The following ZFYVE9 variants were observed in gnomAD, a reference collection of about 807,000 sequenced individuals.
ZFYVE9 encodes the protein zinc finger FYVE-type containing 9.
A neutral mutation model predicts 126.7 loss-of-function variants in ZFYVE9; 43 were observed. The observed-to-expected ratio is 0.34, with a 90% CI of 0.27 to 0.44. The LOEUF (loss-of-function observed/expected upper bound fraction) is 0.44. Ranked by LOEUF, ZFYVE9 falls within the 20% of genes least tolerant of loss-of-function variation. The probability of loss-of-function intolerance (pLI) is 1.00; values close to 1 mark genes in which losing one functional copy is unlikely to be tolerated. For synonymous variants in ZFYVE9, 521 were observed against 597.4 expected (o/e 0.87, Z 1.87); for missense variants, 1,476 against 1,697.0 (o/e 0.87, Z 2.29).
intron 10 of ZFYVE9, among the ~76,000 whole-genome samples, chr1:52,284,012 G>C (rs757402791): frequency 1.3e-5 from 2 of 152,160 alleles, no homozygotes; most frequent in Non-Finnish European, 2.9e-5. Flanking sequence ...AGTAGGATTT[G>C]GTAACTAACT....
intron 13 of ZFYVE9, among the ~76,000 whole-genome samples, chr1:52,323,523 A>T (rs1041793335): frequency 1.3e-5 from 2 of 152,208 alleles, no homozygotes; most frequent in African/African-American, 4.8e-5. Context: ...CGTATTAGAT[A>T]CTCAATGCCC....
intron 13 of ZFYVE9, among the ~76,000 whole-genome samples, chr1:52,318,366 TTGTATGTGTGTGTGTG>T (rs1246392179): frequency 8.9e-4 from 75 of 84,004 alleles, no homozygotes; most frequent in African/African-American, 3.0e-3. Flanking sequence ...GAGAGCATGA[TTGTATGTGTGTGTGTG>T]TGTGTGTGTG....
chr1:52,185,379 T>C (rs1018778963), intron 1 of ZFYVE9, among the ~76,000 whole-genome samples: 1 of 152,190 alleles, frequency 6.6e-6, no homozygotes, highest in Non-Finnish European at 1.5e-5. Context: ...GAAAGACTTA[T>C]TCTGACAAAA....
intron 1 of ZFYVE9, among the ~76,000 whole-genome samples, chr1:52,208,558 A>G (rs868680029): frequency 1.3e-5 from 2 of 150,684 alleles, no homozygotes; most frequent in African/African-American, 4.9e-5. Context: ...CTGGAGTGCA[A>G]TGGCGTGATC....
chr1:52,195,680 G>C (rs1337323128), intron 1 of ZFYVE9, among the ~76,000 whole-genome samples: 1 of 151,708 alleles, frequency 6.6e-6, no homozygotes, highest in African/African-American at 2.4e-5. Flanking sequence ...TAGACACAGA[G>C]TGTTTTTTAT....
intron 2 of ZFYVE9, among the ~76,000 whole-genome samples, chr1:52,230,249 G>A (rs1011846460): frequency 3.9e-5 from 6 of 152,112 alleles, no homozygotes; most frequent in Non-Finnish European, 5.9e-5. Flanking sequence ...CCTGTTAACA[G>A]GCTCCCATCT....
intron 10 of ZFYVE9, among the ~76,000 whole-genome samples, chr1:52,285,562 A>G (rs1052744657): frequency 6.6e-6 from 1 of 152,130 alleles, no homozygotes; most frequent in African/African-American, 2.4e-5. Flanking sequence ...TGAGGGATCT[A>G]GGTTGTGTGC....
At chr1:52,250,612 T>C (rs1645434797) in intron 4 of ZFYVE9, among the ~76,000 whole-genome samples, 1 of 152,216 alleles carries the variant, frequency 6.6e-6, no homozygotes, top group Admixed American at 6.5e-5. Flanking sequence ...CTTTTATTTA[T>C]TTTTAATTGC....
At chr1:52,227,073 T>C (rs1645177170) in intron 2 of ZFYVE9, among the ~76,000 whole-genome samples, 1 of 152,240 alleles carries the variant, frequency 6.6e-6, no homozygotes, top group Non-Finnish European at 1.5e-5. Context: ...AAAAACTGAT[T>C]ACACTACTCA....
intron 1 of ZFYVE9, among the ~76,000 whole-genome samples, chr1:52,194,655 G>C (rs1644844805): frequency 6.6e-6 from 1 of 152,114 alleles, no homozygotes; most frequent in Admixed American, 6.5e-5. Context: ...CAAACAGCAT[G>C]TTTGGTGGAA....
chr1:52,162,600 T>C (rs1051531719), intron 1 of ZFYVE9: 3 of 259,114 alleles, frequency 1.2e-5, no homozygotes, highest in Non-Finnish European at 2.4e-5. Flanking sequence ...CAAAGGTCCA[T>C]ATCAAGAACA....
At chr1:52,219,248 G>A (rs987623900) in intron 2 of ZFYVE9, among the ~76,000 whole-genome samples, 20 of 152,156 alleles carry the variant, frequency 1.3e-4, no homozygotes, top group African/African-American at 4.6e-4. Flanking sequence ...GGCATCGAAT[G>A]TAATTGTGGG....
At chr1:52,339,835 A>C (rs911585476) in intron 16 of ZFYVE9, among the ~76,000 whole-genome samples, 1 of 152,234 alleles carries the variant, frequency 6.6e-6, no homozygotes, top group African/African-American at 2.4e-5. Context: ...GAAGAAGAGC[A>C]GGTTTGATTA....
intron 1 of ZFYVE9, among the ~76,000 whole-genome samples, chr1:52,147,481 G>A (rs753715761): frequency 1.3e-5 from 2 of 152,162 alleles, no homozygotes. Context: ...GACATTTCAT[G>A]TAAGTGGAAT....
intron 4 of ZFYVE9, among the ~76,000 whole-genome samples, chr1:52,244,972 A>G (rs1209979582): frequency 6.6e-6 from 1 of 152,122 alleles, no homozygotes; most frequent in Non-Finnish European, 1.5e-5. Context: ...AGCCTGGCCA[A>G]TATGGTGAAA....
chr1:52,324,477 GTTTC>G (rs1299263139), intron 13 of ZFYVE9, among the ~76,000 whole-genome samples: 12 of 152,174 alleles, frequency 7.9e-5, no homozygotes, highest in Non-Finnish European at 1.3e-4. Context: ...TCAGCTCAGT[GTTTC>G]TTTCTCACTT....
Position 52,295,991 on chromosome 1 carries a change from T to G in ZFYVE9, c.3333+14T>G. Reference sequence around the variant, plus strand: ...AATCTTCTTGCAGTAAGTTGGGAATTTTTTTTCCTTTGTCCTTACTGGAGT... The same window carrying G: ...AATCTTCTTGCAGTAAGTTGGGAATGTTTTTTCCTTTGTCCTTACTGGAGT... On this transcript the variant is annotated intron_variant, in intron 12 of 18. Coordinates refer to ENST00000287727, the MANE Select transcript of ZFYVE9 (RefSeq NM_004799.4). The G allele has an allele frequency of 6.2e-7, 1 of 1,610,564 alleles. No individual in the cohort carries two copies. The highest frequency in any genetic ancestry group is 8.5e-7 in the Non-Finnish European group (1 of 1,178,022).
intron 1 of ZFYVE9, among the ~76,000 whole-genome samples, chr1:52,155,610 T>G (rs1344499621): frequency 6.6e-6 from 1 of 152,192 alleles, no homozygotes; most frequent in Non-Finnish European, 1.5e-5. Flanking sequence ...TTCCTTGCTA[T>G]AAACTCTACA....
chr1:52,292,758 C>T (rs1007649549), intron 10 of ZFYVE9, among the ~76,000 whole-genome samples: 2 of 151,846 alleles, frequency 1.3e-5, no homozygotes, highest in South Asian at 2.1e-4. Context: ...TGTGAGCCAC[C>T]GCACCCGGCC....
Sources: gnomAD v4.1 joint callset for allele counts (sites outside exome capture counted in the v4.1 genomes callset) on GRCh38, gnomAD v4.1.1 for gene constraint, MANE v1.5 for transcripts, NCBI Gene and HGNC (gene_info 2026-07-23, HGNC 2026-07-21) for gene names.